Variants in GRIA2 observed in about 807,000 individuals in gnomAD.
The protein encoded by GRIA2 is glutamate ionotropic receptor AMPA type subunit 2.
A neutral mutation model predicts 97.3 loss-of-function variants in GRIA2; 14 were observed. That is an observed-to-expected ratio of 0.14 (90% confidence interval 0.10 to 0.23). The LOEUF (loss-of-function observed/expected upper bound fraction) is 0.23, where lower values mean the gene tolerates loss of function less well. GRIA2 is among the 10% of genes least tolerant of loss of function. The probability of loss-of-function intolerance (pLI) is 1.00; values close to 1 mark genes in which losing one functional copy is unlikely to be tolerated. For missense variants in GRIA2, 558 were observed against 1,069.8 expected (o/e 0.52, Z 6.67); for synonymous variants, 412 against 387.8 (o/e 1.06, Z -0.73).
intron 2 of GRIA2, among the ~76,000 whole-genome samples, chr4:157,289,330 G>A (rs1253234569): frequency 6.6e-6 from 1 of 151,868 alleles, no homozygotes; most frequent in Non-Finnish European, 1.5e-5. Flanking sequence ...AAGTAAACAT[G>A]AGTGCATCAG....
chr4:157,223,559 T>A (rs576076868), intron 2 of GRIA2, among the ~76,000 whole-genome samples: 34 of 152,348 alleles, frequency 2.2e-4, no homozygotes, highest in African/African-American at 7.7e-4. Flanking sequence ...TTTAGACTAT[T>A]CATTTGATAT....
intron 12 of GRIA2, among the ~76,000 whole-genome samples, chr4:157,348,065 G>A (rs570970396): frequency 3.3e-5 from 5 of 152,000 alleles, no homozygotes; most frequent in East Asian, 3.9e-4. Context: ...GCAGTGAGCC[G>A]GGATCACGCC....
At chr4:157,253,961 G>A (rs1731127707) in intron 2 of GRIA2, among the ~76,000 whole-genome samples, 1 of 151,432 alleles carries the variant, frequency 6.6e-6, no homozygotes, top group Admixed American at 6.6e-5. Context: ...TCGTCAAAGA[G>A]TAGACTTGTC....
At chr4:157,342,047 T>TGC (rs1215465843) in intron 12 of GRIA2, 6 of 755,634 alleles carry the variant, frequency 7.9e-6, no homozygotes, top group Non-Finnish European at 9.7e-6. Flanking sequence ...TTTGTTCTTA[T>TGC]GCTCTGTTTA....
intron 2 of GRIA2, among the ~76,000 whole-genome samples, chr4:157,250,225 A>C (rs1314952824): frequency 6.6e-6 from 1 of 152,140 alleles, no homozygotes; most frequent in Non-Finnish European, 1.5e-5. Context: ...CATGGAAAGT[A>C]AGAGTAGAAA....
chr4:157,289,944 G>A (rs1733019259), intron 2 of GRIA2, among the ~76,000 whole-genome samples: 1 of 151,698 alleles, frequency 6.6e-6, no homozygotes, highest in African/African-American at 2.4e-5. Context: ...CTTCTAGACT[G>A]CCTGGGTTCA....
chr4:157,300,425 C>A (rs1361141328), intron 2 of GRIA2, among the ~76,000 whole-genome samples: 2 of 151,984 alleles, frequency 1.3e-5, no homozygotes, highest in Non-Finnish European at 2.9e-5. Flanking sequence ...TTTAGGTAAG[C>A]ATTCTGATGG....
At chr4:157,245,045 A>G (rs779507944) in intron 2 of GRIA2, among the ~76,000 whole-genome samples, 33 of 152,208 alleles carry the variant, frequency 2.2e-4, no homozygotes, top group Admixed American at 9.2e-4. Context: ...TGTCATTTCT[A>G]AAAATTTATA....
intron 2 of GRIA2, among the ~76,000 whole-genome samples, chr4:157,292,476 T>C (rs1027241094): frequency 6.6e-6 from 1 of 151,992 alleles, no homozygotes; most frequent in Non-Finnish European, 1.5e-5. Flanking sequence ...TGGGAAATCC[T>C]TGTTACACAA....
At chr4:157,285,648 C>A (rs1283584432) in intron 2 of GRIA2, among the ~76,000 whole-genome samples, 1 of 151,078 alleles carries the variant, frequency 6.6e-6, no homozygotes, top group African/African-American at 2.4e-5. Context: ...GTCTATTTCC[C>A]TCAACTTTGC....
In GRIA2 at chr4:157,361,276, T is replaced by C. The variant is rs1420412664; in HGVS notation, c.2406+152T>C. 5 of 671,060 alleles carry C rather than the reference T, an allele frequency of 7.5e-6. No individual in the cohort carries two copies. The highest frequency in any genetic ancestry group is 1.3e-5 in the Non-Finnish European group (5 of 388,594). 41.6% of individuals were successfully genotyped at this position (671,060 alleles called of 1,614,324 possible). ...CAGGACACTTGACTTCTTCTTTCTT[T>C]CTTCCTCTACTTCTCTTTCCCTCTC... On this transcript the variant is annotated intron_variant, in intron 14 of 15. Coordinates refer to ENST00000264426, the MANE Select transcript of GRIA2 (RefSeq NM_001083619.3). The surrounding 1 kb of genome is among the most constrained non-coding windows in gnomAD (Gnocchi z 5.2).
At chr4:157,244,548 T>C (rs1730645731) in intron 2 of GRIA2, among the ~76,000 whole-genome samples, 1 of 152,068 alleles carries the variant, frequency 6.6e-6, no homozygotes, top group Non-Finnish European at 1.5e-5. Flanking sequence ...TGGAAGCAAT[T>C]TGTTCAGAGT....
chr4:157,266,835 G>T (rs1731793151), intron 2 of GRIA2, among the ~76,000 whole-genome samples: 2 of 152,164 alleles, frequency 1.3e-5, no homozygotes, highest in African/African-American at 4.8e-5. Flanking sequence ...GAAGTTGGCG[G>T]ATTGCTTGAG....
At chr4:157,222,710 T>C (rs1729559232) in intron 2 of GRIA2, among the ~76,000 whole-genome samples, 1 of 152,346 alleles carries the variant, frequency 6.6e-6, no homozygotes, top group Non-Finnish European at 1.5e-5. Context: ...TCAGCCATTT[T>C]AGTCTTTGCA....
At chr4:157,280,794 AACT>A (rs150671704) in intron 2 of GRIA2, among the ~76,000 whole-genome samples, 210 of 152,148 alleles carry the variant, frequency 1.4e-3, no homozygotes, top group African/African-American at 4.8e-3. Flanking sequence ...ACACAGTCGT[AACT>A]TGAATCAAGG....
intron 3 of GRIA2, among the ~76,000 whole-genome samples, chr4:157,309,020 A>G (rs1467192483): frequency 2.0e-5 from 3 of 152,172 alleles, no homozygotes; most frequent in Admixed American, 2.0e-4. Context: ...AAAAAAAACC[A>G]CCTAGGGAAA....
intron 12 of GRIA2, among the ~76,000 whole-genome samples, chr4:157,357,583 T>A (rs1432617881): frequency 6.6e-6 from 1 of 152,154 alleles, no homozygotes. Context: ...CATCATAAAA[T>A]CATGCTCCTC....
intron 12 of GRIA2, among the ~76,000 whole-genome samples, chr4:157,343,425 T>G (rs1735632632): frequency 6.6e-6 from 1 of 152,094 alleles, no homozygotes; most frequent in Admixed American, 6.6e-5. Flanking sequence ...GCCAGGGTTC[T>G]TTCCATACAC....
intron 2 of GRIA2, among the ~76,000 whole-genome samples, chr4:157,224,961 C>T (rs1219527081): frequency 6.6e-6 from 1 of 152,018 alleles, no homozygotes; most frequent in African/African-American, 2.4e-5. Context: ...ATAAAAATCC[C>T]ACAGAGCTAA....
Sources: allele counts gnomAD v4.1 joint callset (sites outside exome capture counted in the v4.1 genomes callset), GRCh38; gene constraint gnomAD v4.1.1; non-coding constraint Gnocchi (gnomAD v3.1); transcripts MANE v1.5; gene names NCBI Gene and HGNC (gene_info 2026-07-23, HGNC 2026-07-21).